Variants in EPOP observed in about 807,000 individuals in gnomAD.
EPOP encodes elongin BC and Polycomb repressive complex 2-associated protein.
Under a neutral mutation model 18.2 loss-of-function variants are expected in EPOP, and 14 were observed. The observed-to-expected ratio is 0.77, with a 90% CI of 0.51 to 1.20. The LOEUF is 1.20. Among genes scored for constraint, EPOP ranks in the 50% most tolerant of loss-of-function variants. The pLI is 0.00. For missense variants in EPOP, 527 were observed against 577.2 expected (o/e 0.91, Z 0.89); for synonymous variants, 252 against 274.9 (o/e 0.92, Z 0.83).
chr17:38,673,839 G>A lies in EPOP; in HGVS notation c.657C>T (p.Ala219=). ...AEVDGNPPPA[A]PEAPAASPST... is the part of the protein sequence containing the mutation. ...AGGGGCTGGCCGCTGGAGCCTCGGGGGCGGCCGGCGGGGGGTTTCCATCGA... is the reference window on the plus strand; with the variant it reads ...AGGGGCTGGCCGCTGGAGCCTCGGGAGCGGCCGGCGGGGGGTTTCCATCGA... The change falls in exon 1 of 1, where the codon GCC becomes GCT. Residue 219 remains alanine, a synonymous_variant. Coordinates refer to ENST00000621654, the MANE Select transcript of EPOP (RefSeq NM_001130677.2). The A allele has an allele frequency of 6.7e-7, 1 of 1,489,774 alleles. No individual in the cohort carries two copies. Among genetic ancestry groups the A allele is most frequent in the Non-Finnish European group, 8.9e-7 (1 of 1,119,626 alleles). The allele number at this position is 1,489,774 out of a possible 1,614,324, so 92.3% of individuals were successfully genotyped here. A position where few individuals can be genotyped will look rare whatever the true frequency, so the allele number is the denominator to read the frequency against.
Position 38,674,161 on chromosome 17 carries a change from G to A in EPOP, c.335C>T (p.Ala112Val). The A allele has an allele frequency of 1.4e-6, 2 of 1,431,738 alleles. No homozygotes were observed. Among genetic ancestry groups the A allele is most frequent in the Non-Finnish European group, 1.8e-6 (2 of 1,104,346 alleles). 88.7% of individuals were successfully genotyped at this position (1,431,738 alleles called of 1,614,324 possible). ...TAAGEDADVAACPRRGEEEEG... is the reference protein window; with the variant it reads ...TAAGEDADVAVCPRRGEEEEG... ...TTCCTCCTCTCCGCGGCGGGGGCAC[G>A]CTGCGACGTCCGCATCCTCGCCGGC... is the stretch of plus-strand genomic sequence containing the variant. Residue 112 changes from alanine to valine, a missense_variant, in exon 1 of 1, where the codon GCG becomes GTG. Transcript: ENST00000621654. The surrounding 1 kb of genome is among the most constrained non-coding windows in gnomAD (Gnocchi z 4.5).
rs1031580898 is a variant in EPOP at position 38,674,183 on chromosome 17, C to T, written c.313G>A (p.Gly105Ser). ...GRPGVPNTAA[G>S]EDADVAACPR... ...CACGCTGCGACGTCCGCATCCTCGC[C>T]GGCGGCGGTGTTAGGAACGCCGGGC... Residue 105 changes from glycine to serine, a missense_variant, in exon 1 of 1, where the codon GGC becomes AGC. By Grantham distance (56) the Gly-to-Ser change is moderately conservative. Coordinates refer to ENST00000621654, the MANE Select transcript of EPOP (RefSeq NM_001130677.2). The surrounding 1 kb of genome is among the most constrained non-coding windows in gnomAD (Gnocchi z 4.5). The T allele has an allele frequency of 6.8e-5, 97 of 1,421,510 alleles. No homozygotes were observed. Among genetic ancestry groups the T allele is most frequent in the Non-Finnish European group, 8.5e-5 (93 of 1,099,338 alleles). The allele number at this position is 1,421,510 out of a possible 1,614,324, so 88.1% of individuals were successfully genotyped here.
rs1466564404 is a variant in EPOP, at chr17:38,672,334, G to A, written c.*1022C>T. On this transcript the variant is annotated 3_prime_UTR_variant, in exon 1 of 1. Coordinates refer to ENST00000621654, the MANE Select transcript of EPOP (RefSeq NM_001130677.2). Reference sequence around the variant, plus strand: ...ACCTCTGCAAAGTGCAGCTTGTTTTGTTTCCACTCTTTAAGGGGGCTGAGT... The same window carrying A: ...ACCTCTGCAAAGTGCAGCTTGTTTTATTTCCACTCTTTAAGGGGGCTGAGT... 6.6e-6 allele frequency: 1 copy of A among 152,194 alleles called. No homozygotes were observed. Among genetic ancestry groups the A allele is most frequent in the Non-Finnish European group, 1.5e-5 (1 of 68,060 alleles). 9.4% of individuals were successfully genotyped at this position (152,194 alleles called of 1,614,324 possible). A position where few individuals can be genotyped will look rare whatever the true frequency, so the allele number is the denominator to read the frequency against.
chr17:38,674,844 A>C lies in EPOP; in HGVS notation c.-349T>G. On this transcript the variant is annotated 5_prime_UTR_variant, in exon 1 of 1. Transcript: ENST00000621654. The surrounding 1 kb of genome is among the most constrained non-coding windows in gnomAD (Gnocchi z 4.5). ...GCGGCCGGCGGCCGCGGGAGGCGGG[A>C]AGGACCCCGGGCCCGGCACCCGGTG... is the stretch of plus-strand genomic sequence containing the variant. 5.2e-6 allele frequency: 1 copy of C among 193,678 alleles called. No homozygotes were observed. 12.0% of individuals were successfully genotyped at this position (193,678 alleles called of 1,614,324 possible). A position where few individuals can be genotyped will look rare whatever the true frequency, so the allele number is the denominator to read the frequency against.
chr17:38,673,253 T>C lies in EPOP; in HGVS notation c.*103A>G. On this transcript the variant is annotated 3_prime_UTR_variant, in exon 1 of 1. Coordinates refer to ENST00000621654, the MANE Select transcript of EPOP (RefSeq NM_001130677.2). ...TTTAGGTCCCTCTGCCCACAGCTCC[T>C]AAAATGTAAAGGAAGGGGACAAATG... 2.3e-5 allele frequency: 32 copies of C among 1,419,152 alleles called. No homozygotes were observed. The highest frequency in any genetic ancestry group is 2.8e-5 in the Non-Finnish European group (30 of 1,084,310). 87.9% of individuals were successfully genotyped at this position (1,419,152 alleles called of 1,614,324 possible).
In EPOP at chr17:38,674,278, G is replaced by A. The variant is rs1017466055; in HGVS notation, c.218C>T (p.Pro73Leu). The stretch of plus-strand genomic sequence containing the variant: ...GCCGCCAGGGCGCAGGGGGGCCTGA[G>A]GGCCCCGCAGCACTGGGGACCGCGC... ...LAARSPVLRG[P>L]QAPLRPGGWA... Residue 73 changes from proline to leucine, a missense_variant, in exon 1 of 1, where the codon CCT (proline) becomes CTT (leucine). Pro to Leu is a moderately conservative substitution (Grantham distance 98, BLOSUM62 -3). Coordinates refer to ENST00000621654, the MANE Select transcript of EPOP (RefSeq NM_001130677.2). This position sits in a 1 kb window ranked among gnomAD's most constrained non-coding sequence, Gnocchi z 4.5. 42 of 1,481,688 alleles carry A rather than the reference G, an allele frequency of 2.8e-5. No individual in the cohort carries two copies. The African/African-American group carries it at 5.9e-4, about 21-fold the overall frequency. The allele number at this position is 1,481,688 out of a possible 1,614,324, so 91.8% of individuals were successfully genotyped here.
Position 38,674,127 on chromosome 17 carries a change from T to G in EPOP, c.369A>C (p.Gly123=), listed in dbSNP as rs577079956. The G allele has an allele frequency of 5.4e-5, 78 of 1,452,546 alleles. No homozygotes were observed. In the East Asian group the frequency reaches 2.1e-3, roughly 40 times the overall value. 90.0% of individuals were successfully genotyped at this position (1,452,546 alleles called of 1,614,324 possible). ...CPRRGEEEEG[G]GGFPHFGVRS... Reference sequence around the variant, plus strand: ...GAACGCCGAAGTGCGGGAAACCGCCTCCGCCCTCTTCCTCCTCTCCGCGGC... The same window carrying G: ...GAACGCCGAAGTGCGGGAAACCGCCGCCGCCCTCTTCCTCCTCTCCGCGGC... The change falls in exon 1 of 1, where the codon GGA becomes GGC. Residue 123 remains glycine, a synonymous_variant. Transcript: ENST00000621654. This position sits in a 1 kb window ranked among gnomAD's most constrained non-coding sequence, Gnocchi z 4.5.
At position 38,672,184 on chromosome 17, in the gene EPOP, CTGAG is replaced by C. The variant is rs1910966962; in HGVS notation, c.*1168_*1171del. ...AGATCTCTGACAACTCCCGCAATCCCTGAGGCTGGGGTGTTGCGGGGGGAAGCTT... is the reference window on the plus strand; with the variant it reads ...AGATCTCTGACAACTCCCGCAATCCCGCTGGGGTGTTGCGGGGGGAAGCTT... On this transcript the variant is annotated 3_prime_UTR_variant, in exon 1 of 1. Transcript: ENST00000621654. The C allele has an allele frequency of 1.3e-5, 2 of 152,330 alleles. No homozygotes were observed. Among genetic ancestry groups the C allele is most frequent in the Non-Finnish European group, 2.9e-5 (2 of 68,114 alleles). 9.4% of individuals were successfully genotyped at this position (152,330 alleles called of 1,614,324 possible).
In EPOP at chr17:38,673,539, G is replaced by A. The variant is rs113113697; in HGVS notation, c.957C>T (p.Phe319=). Residue 319 remains phenylalanine, a synonymous_variant, in exon 1 of 1, where the codon TTC becomes TTT. Transcript: ENST00000621654. ...CCACCACCAGGGCCGGGGGGCAGGG[G>A]AAGCAGTTGAGGAGGCTGAAGGTGC... The part of the protein sequence containing the change: ...TTSTFSLLNC[F]PCPPALVVGE... The A allele has an allele frequency of 5.9e-3, 8,943 of 1,512,690 alleles. 38 individuals carry two copies. The highest frequency in any genetic ancestry group is 7.2e-3 in the Non-Finnish European group (8,174 of 1,129,432). 93.7% of individuals were successfully genotyped at this position (1,512,690 alleles called of 1,614,324 possible).
In EPOP at chr17:38,673,909, G is replaced by A; in HGVS notation, c.587C>T (p.Pro196Leu). ...CAGGAACGGCCGCGGCGCCGTCCCG[G>A]GACCCGCGGGCTCGGTGGAGAGGCC... The part of the protein sequence containing the change: ...PAGLSTEPAG[P>L]GTAPRPFLPG... Residue 196 changes from proline (P) to leucine (L), a missense_variant, in exon 1 of 1, where the codon CCC becomes CTC. By Grantham distance (98) the Pro-to-Leu change is moderately conservative. Coordinates refer to ENST00000621654, the MANE Select transcript of EPOP (RefSeq NM_001130677.2). 1 of 1,388,444 alleles carries A rather than the reference G, an allele frequency of 7.2e-7. No homozygotes were observed. Among genetic ancestry groups the A allele is most frequent in the South Asian group, 1.7e-5 (1 of 59,020 alleles). 86.0% of individuals were successfully genotyped at this position (1,388,444 alleles called of 1,614,324 possible).
Position 38,674,354 on chromosome 17 carries a change from G to C in EPOP, c.142C>G (p.Leu48Val). The C allele has an allele frequency of 6.5e-7, 1 of 1,541,908 alleles. No homozygotes were observed. Among genetic ancestry groups the C allele is most frequent in the Non-Finnish European group, 8.7e-7 (1 of 1,146,046 alleles). ...LCLRALAFCA[L>V]AKPRASSLGP... ...AGAGAGGACGCCCGGGGCTTGGCAA[G>C]GGCGCAGAAGGCGAGGGCACGCAGG... The change falls in exon 1 of 1, where the codon CTT becomes GTT. Residue 48 changes from leucine (L) to valine (V), a missense_variant. By Grantham distance (32) the Leu-to-Val change is conservative (BLOSUM62 1). Transcript: ENST00000621654. This position sits in a 1 kb window ranked among gnomAD's most constrained non-coding sequence, Gnocchi z 4.5.
At position 38,674,099 on chromosome 17, in the gene EPOP, A is replaced by C. The variant is rs1446995011; in HGVS notation, c.397T>G (p.Ser133Ala). 6.9e-7 allele frequency: 1 copy of C among 1,448,056 alleles called. No individual in the cohort carries two copies. The highest frequency in any genetic ancestry group is 9.0e-7 in the Non-Finnish European group (1 of 1,109,950). The allele number at this position is 1,448,056 out of a possible 1,614,324, so 89.7% of individuals were successfully genotyped here. ...GGGFPHFGVR[S>A]CAPPGRCPAP... Reference sequence around the variant, plus strand: ...GGGCAGCGGCCCGGAGGTGCACAGGAGCGAACGCCGAAGTGCGGGAAACCG... The same window carrying C: ...GGGCAGCGGCCCGGAGGTGCACAGGCGCGAACGCCGAAGTGCGGGAAACCG... The change falls in exon 1 of 1, where the codon TCC (serine) becomes GCC (alanine). Residue 133 changes from serine to alanine, a missense_variant. Coordinates refer to ENST00000621654, the MANE Select transcript of EPOP (RefSeq NM_001130677.2). This position sits in a 1 kb window ranked among gnomAD's most constrained non-coding sequence, Gnocchi z 4.5.
rs1228304792 is a variant in EPOP, at chr17:38,673,969, T to A, written c.527A>T (p.Gln176Leu). 1 of 1,399,142 alleles carries A rather than the reference T, an allele frequency of 7.1e-7. No individual in the cohort carries two copies. Among genetic ancestry groups the A allele is most frequent in the Non-Finnish European group, 9.2e-7 (1 of 1,087,204 alleles). 86.7% of individuals were successfully genotyped at this position (1,399,142 alleles called of 1,614,324 possible). Reference protein sequence around the residue: ...PQRGPAASPPQEPSSRPPSPP... With the variant: ...PQRGPAASPPLEPSSRPPSPP... ...CGACGGAGGCCGGGAACTGGGTTCC[T>A]GAGGCGGGCTGGCGGCTGGGCCACG... Residue 176 changes from glutamine to leucine, a missense_variant, in exon 1 of 1, where the codon CAG becomes CTG. Coordinates refer to ENST00000621654, the MANE Select transcript of EPOP (RefSeq NM_001130677.2).
Position 38,672,385 on chromosome 17 carries a change from G to T in EPOP, c.*971C>A. On this transcript the variant is annotated 3_prime_UTR_variant, in exon 1 of 1. Coordinates refer to ENST00000621654, the MANE Select transcript of EPOP (RefSeq NM_001130677.2). ...TTGGGTGTCCAAAGAATGGACTTGG[G>T]CCTGCCTTCCACCTCCACCCCCTCT... 6.6e-6 allele frequency: 1 copy of T among 152,312 alleles called. No homozygotes were observed. The highest frequency in any genetic ancestry group is 1.5e-5 in the Non-Finnish European group (1 of 68,044). 9.4% of individuals were successfully genotyped at this position (152,312 alleles called of 1,614,324 possible). A position where few individuals can be genotyped will look rare whatever the true frequency, so the allele number is the denominator to read the frequency against.
rs1910972748 is a variant in EPOP, at chr17:38,672,405, C to G, written c.*951G>C. ...CTTGGGCCTGCCTTCCACCTCCACC[C>G]CCTCTCATCCATAAATCGGTGGAGG... On this transcript the variant is annotated 3_prime_UTR_variant, in exon 1 of 1. Transcript: ENST00000621654. The G allele has an allele frequency of 6.6e-6, 1 of 152,234 alleles. No homozygotes were observed. The highest frequency in any genetic ancestry group is 2.4e-5 in the African/African-American group (1 of 41,442). 9.4% of individuals were successfully genotyped at this position (152,234 alleles called of 1,614,324 possible). A position where few individuals can be genotyped will look rare whatever the true frequency, so the allele number is the denominator to read the frequency against.
In EPOP at chr17:38,674,155, G is replaced by T; in HGVS notation, c.341C>A (p.Pro114His). The change falls in exon 1 of 1, where the codon CCC becomes CAC. Residue 114 changes from proline (P) to histidine (H), a missense_variant. By Grantham distance (77) the Pro-to-His change is moderately conservative. Transcript: ENST00000621654. This position sits in a 1 kb window ranked among gnomAD's most constrained non-coding sequence, Gnocchi z 4.5. Reference protein sequence around the residue: ...AGEDADVAACPRRGEEEEGGG... With the variant: ...AGEDADVAACHRRGEEEEGGG... ...GCCCTCTTCCTCCTCTCCGCGGCGG[G>T]GGCACGCTGCGACGTCCGCATCCTC... is the stretch of plus-strand genomic sequence containing the variant. 6.9e-7 allele frequency: 1 copy of T among 1,440,272 alleles called. No homozygotes were observed. The highest frequency in any genetic ancestry group is 9.0e-7 in the Non-Finnish European group (1 of 1,107,244). 89.2% of individuals were successfully genotyped at this position (1,440,272 alleles called of 1,614,324 possible).
At position 38,674,688 on chromosome 17, in the gene EPOP, C is replaced by G. The variant is rs1911069240; in HGVS notation, c.-193G>C. On this transcript the variant is annotated 5_prime_UTR_variant, in exon 1 of 1. Coordinates refer to ENST00000621654, the MANE Select transcript of EPOP (RefSeq NM_001130677.2). This position sits in a 1 kb window ranked among gnomAD's most constrained non-coding sequence, Gnocchi z 4.5. The stretch of plus-strand genomic sequence containing the variant: ...CTCTTCGCTCTCCTCACGCGGCCCT[C>G]CCGGCGGCCGGACTCCTGGGTCCCT... 1.2e-5 allele frequency: 6 copies of G among 490,584 alleles called. No homozygotes were observed. Among genetic ancestry groups the G allele is most frequent in the Non-Finnish European group, 2.0e-5 (6 of 296,284 alleles). The allele number at this position is 490,584 out of a possible 1,614,324, so 30.4% of individuals were successfully genotyped here.
chr17:38,673,854 G>C lies in EPOP; in HGVS notation c.642C>G (p.Asn214Lys). The C allele has an allele frequency of 6.8e-7, 1 of 1,473,538 alleles. No individual in the cohort carries two copies. The highest frequency in any genetic ancestry group is 9.0e-7 in the Non-Finnish European group (1 of 1,112,296). 91.3% of individuals were successfully genotyped at this position (1,473,538 alleles called of 1,614,324 possible). Residue 214 changes from asparagine (N) to lysine (K), a missense_variant, in exon 1 of 1, where the codon AAC (asparagine) becomes AAG (lysine). Transcript: ENST00000621654. ...GAGCCTCGGGGGCGGCCGGCGGGGG[G>C]TTTCCATCGACTTCGGCAGGCTGGC... ...LPGQPAEVDG[N>K]PPPAAPEAPA...
rs1343042874 is a variant in EPOP at position 38,673,529 on chromosome 17, G to T, written c.967C>A (p.Pro323Thr). The change falls in exon 1 of 1, where the codon CCG becomes ACG. Residue 323 changes from proline to threonine, a missense_variant. Coordinates refer to ENST00000621654, the MANE Select transcript of EPOP (RefSeq NM_001130677.2). ...CCGTCTTCCCCCACCACCAGGGCCG[G>T]GGGGCAGGGGAAGCAGTTGAGGAGG... ...FSLLNCFPCP[P>T]ALVVGEDGDL... 2 of 1,517,626 alleles carry T rather than the reference G, an allele frequency of 1.3e-6. No individual in the cohort carries two copies. 94.0% of individuals were successfully genotyped at this position (1,517,626 alleles called of 1,614,324 possible).
Sources: gnomAD v4.1 joint callset for allele counts on GRCh38, gnomAD v4.1.1 for gene constraint, Gnocchi (gnomAD v3.1) non-coding constraint, MANE v1.5 for transcripts, NCBI Gene and HGNC (gene_info 2026-07-23, HGNC 2026-07-21) for gene names.